Variants in C16orf96 observed in about 807,000 individuals in gnomAD.
C16orf96 encodes chromosome 16 open reading frame 96, also known as uncharacterized protein C16orf96.
In C16orf96, 108 loss-of-function variants were observed where a neutral mutation model predicts 103.6. That is an observed-to-expected ratio of 1.04 (90% CI 0.89 to 1.22). The LOEUF (loss-of-function observed/expected upper bound fraction) is 1.22. Among genes scored for constraint, C16orf96 ranks in the 50% most tolerant of loss-of-function variants. The pLI, the probability that C16orf96 is intolerant of heterozygous loss-of-function variation, is 0.00. For missense variants in C16orf96, 1,586 were observed against 1,464.2 expected, an observed-to-expected ratio of 1.08 and a Z score of -1.36; for synonymous variants, 566 against 593.5, an observed-to-expected ratio of 0.95 and a Z score of 0.67.
At chr16:4,539,294 A>T in the C16orf96 span, among the ~76,000 whole-genome samples, 2 of 152,230 alleles carry the variant, frequency 1.3e-5, no homozygotes, top group Admixed American at 1.3e-4. Context: ...ATATTGAAAC[A>T]AAGATAGTTA....
chr16:4,548,128 C>T, the C16orf96 span, among the ~76,000 whole-genome samples: 5 of 152,104 alleles, frequency 3.3e-5, no homozygotes, highest in East Asian at 5.8e-4. Context: ...CGGGAGAATT[C>T]GGACATGTGA....
the C16orf96 span, among the ~76,000 whole-genome samples, chr16:4,547,772 T>C: frequency 6.7e-6 from 1 of 148,984 alleles, no homozygotes; most frequent in South Asian, 2.2e-4. Flanking sequence ...CCTCTCTCTC[T>C]CTCTCATTCT....
chr16:4,588,701 CTTTTTTTTTTTTTTT>C (rs35941814), intron 9 of C16orf96, among the ~76,000 whole-genome samples: 2 of 80,294 alleles, frequency 2.5e-5, no homozygotes, highest in African/African-American at 8.8e-5. Context: ...GCAGCAATGT[CTTTTTTTTTTTTTTT>C]TTTTTTTTTC....
At chr16:4,581,058 T>A (rs8056779) in intron 7 of C16orf96, among the ~76,000 whole-genome samples, 142,379 of 148,466 alleles carry the variant, frequency 0.96, 68,542 homozygotes, top group East Asian at 1. Flanking sequence ...GGGGAGGCAG[T>A]GGTTGCGGTG....
upstream of C16orf96, among the ~76,000 whole-genome samples, chr16:4,556,103 C>T (rs74005357): frequency 1.6e-3 from 238 of 152,246 alleles, no homozygotes; most frequent in African/African-American, 5.3e-3. Context: ...GAGGGAGCTG[C>T]CTCTCCATCC....
chr16:4,582,230 G>C (rs868794740), intron 7 of C16orf96, among the ~76,000 whole-genome samples: 6 of 151,866 alleles, frequency 4.0e-5, no homozygotes, highest in Middle Eastern at 3.4e-3. Flanking sequence ...TGCAGTGAGC[G>C]AAGATTGCGC....
upstream of C16orf96, among the ~76,000 whole-genome samples, chr16:4,553,914 GT>G (rs2059241970): frequency 6.6e-6 from 1 of 152,170 alleles, no homozygotes; most frequent in Admixed American, 6.5e-5. Context: ...TCCACAGCTG[GT>G]GCAAGGATTT....
At position 4,556,754 on chromosome 16, in the gene C16orf96, G is replaced by T; in HGVS notation, c.265G>T (p.Asp89Tyr). The T allele has an allele frequency of 6.4e-7, 1 of 1,551,682 alleles. No homozygotes were observed. The change falls in exon 1 of 16, where the codon GAC (aspartate) becomes TAC (tyrosine). Residue 89 changes from aspartate (D) to tyrosine (Y), a missense_variant. Physicochemically the swap from Asp to Tyr is radical, Grantham distance 160. Transcript: ENST00000444310. ...NVFDHVVSRL[D>Y]KLENQLALLQ... is the part of the protein sequence containing the mutation. ...CTTCGACCACGTGGTGAGCCGCCTC[G>T]ACAAGTTGGAGAACCAGCTGGCCCT... is the stretch of plus-strand genomic sequence containing the variant.
At chr16:4,590,519 A>G (rs1897031724) in intron 9 of C16orf96, among the ~76,000 whole-genome samples, 1 of 151,756 alleles carries the variant, frequency 6.6e-6, no homozygotes, top group Non-Finnish European at 1.5e-5. Context: ...AGATCGCACC[A>G]TTGCACTCCA....
chr16:4,553,161 C>T (rs1039522461), upstream of C16orf96, among the ~76,000 whole-genome samples: 3 of 152,192 alleles, frequency 2.0e-5, no homozygotes, highest in Non-Finnish European at 2.9e-5. Flanking sequence ...CATTGTCTGC[C>T]TCCACGCCTG....
the C16orf96 span, among the ~76,000 whole-genome samples, chr16:4,542,370 A>C: frequency 6.6e-6 from 1 of 152,222 alleles, no homozygotes; most frequent in Non-Finnish European, 1.5e-5. Context: ...GTCTCTAAAA[A>C]AATAAATAAA....
intron 1 of C16orf96, among the ~76,000 whole-genome samples, chr16:4,565,790 C>T (rs1241283571): frequency 6.6e-6 from 1 of 152,100 alleles, no homozygotes; most frequent in African/African-American, 2.4e-5. Context: ...CACCCAGCCT[C>T]GTTTCTACCT....
chr16:4,571,430 G>A (rs1191700919), intron 1 of C16orf96, 131 bp from the exon 2 acceptor site: 7 of 685,108 alleles, frequency 1.0e-5, no homozygotes, highest in Non-Finnish European at 1.7e-5. Context: ...TCCCCTTGTA[G>A]GTTCCAGTCT....
At chr16:4,567,235 T>C (rs909249730) in intron 1 of C16orf96, among the ~76,000 whole-genome samples, 9 of 152,054 alleles carry the variant, frequency 5.9e-5, no homozygotes, top group African/African-American at 2.2e-4. Flanking sequence ...AATTAGTTTC[T>C]AATTTCTATT....
chr16:4,546,551 A>G, the C16orf96 span, among the ~76,000 whole-genome samples: 2 of 145,612 alleles, frequency 1.4e-5, no homozygotes, highest in African/African-American at 5.1e-5. Flanking sequence ...TGCAGCCTCG[A>G]CCTTCCAAGC....
chr16:4,551,024 G>A, the C16orf96 span, among the ~76,000 whole-genome samples: 1 of 152,226 alleles, frequency 6.6e-6, no homozygotes, highest in Non-Finnish European at 1.5e-5. Context: ...TATAATCCCA[G>A]GACTTTGGGA....
chr16:4,579,577 A>G (rs1346417383), intron 6 of C16orf96, among the ~76,000 whole-genome samples: 1 of 107,848 alleles, frequency 9.3e-6, no homozygotes, highest in Non-Finnish European at 2.0e-5. Flanking sequence ...AAAAAAAAAA[A>G]AAATGGCAGG....
chr16:4,599,987 C>T, intron 15 of C16orf96, 113 bp from the exon 16 acceptor site: 2 of 1,107,212 alleles, frequency 1.8e-6, no homozygotes, highest in Non-Finnish European at 2.6e-6. Context: ...ATGGCCTGTA[C>T]AGCACTTCTA....
intron 1 of C16orf96, among the ~76,000 whole-genome samples, chr16:4,564,855 T>A (rs996407391): frequency 2.0e-5 from 3 of 152,172 alleles, no homozygotes; most frequent in African/African-American, 7.2e-5. Flanking sequence ...TTTTTAACTA[T>A]TTTGTAACAT....
Sources: allele counts gnomAD v4.1 joint callset (sites outside exome capture counted in the v4.1 genomes callset), GRCh38; gene constraint gnomAD v4.1.1; transcripts MANE v1.5; gene names NCBI Gene and HGNC (gene_info 2026-07-23, HGNC 2026-07-21).